Variants in FAM83B observed in about 807,000 individuals in gnomAD.
FAM83B encodes scaffolding CK1 anchoring protein B, also known as protein FAM83B.
FAM83B carries 26 observed loss-of-function variants against 38.8 expected under a neutral mutation model. The ratio of observed to expected loss-of-function variants is 0.67; its 90% CI spans 0.49 to 0.93. FAM83B has a LOEUF of 0.93. FAM83B is among the 40% of genes least tolerant of loss of function. The pLI is 0.00. For missense variants in FAM83B, 1,237 were observed against 1,197.3 expected (o/e 1.03, Z -0.49); for synonymous variants, 419 against 423.1 (o/e 0.99, Z 0.12).
At chr6:54,910,362 G>T (rs368678276) in intron 2 of FAM83B, among the ~76,000 whole-genome samples, 2 of 152,114 alleles carry the variant, frequency 1.3e-5, no homozygotes, top group Admixed American at 6.5e-5. Flanking sequence ...TCTGAAATCC[G>T]AATTCATTGT....
At chr6:54,933,993 GT>G (rs1773478299) in intron 4 of FAM83B, among the ~76,000 whole-genome samples, 2 of 152,068 alleles carry the variant, frequency 1.3e-5, no homozygotes, top group African/African-American at 4.8e-5. Flanking sequence ...AACATCACAG[GT>G]TTTTCAACCT....
intron 2 of FAM83B, among the ~76,000 whole-genome samples, chr6:54,921,038 G>A (rs560367726): frequency 6.6e-6 from 1 of 151,852 alleles, no homozygotes; most frequent in Non-Finnish European, 1.5e-5. Flanking sequence ...ATAAACATTT[G>A]TTAGAATATT....
chr6:54,919,733 A>G (rs1355196316), intron 2 of FAM83B, among the ~76,000 whole-genome samples: 1 of 152,044 alleles, frequency 6.6e-6, no homozygotes, highest in African/African-American at 2.4e-5. Flanking sequence ...TTTAATATAT[A>G]TAAATGAAAC....
chr6:54,875,769 A>G (rs75218721), intron 2 of FAM83B, among the ~76,000 whole-genome samples: 29 of 140,074 alleles, frequency 2.1e-4, no homozygotes, highest in Middle Eastern at 4.0e-3. Flanking sequence ...AGAAGGTGGG[A>G]AAGAGACAGG....
chr6:54,927,500 A>T lies in FAM83B; in HGVS notation c.610-8A>T. 1 of 1,573,634 alleles carries T rather than the reference A, an allele frequency of 6.4e-7. No individual in the cohort carries two copies. The highest frequency in any genetic ancestry group is 2.3e-5 in the East Asian group (1 of 44,114). ...TAATGTCTGCTTTTTATTTACATATAATTCTAGAATATTCGAGTGCGAACA... is the reference window on the plus strand; with the variant it reads ...TAATGTCTGCTTTTTATTTACATATTATTCTAGAATATTCGAGTGCGAACA... On this transcript the variant is annotated splice_polypyrimidine_tract_variant and splice_region_variant and intron_variant, in intron 3 of 4. Coordinates refer to ENST00000306858, the MANE Select transcript of FAM83B (RefSeq NM_001010872.3).
chr6:54,876,537 C>T (rs1037023513), intron 2 of FAM83B, among the ~76,000 whole-genome samples: 2 of 151,530 alleles, frequency 1.3e-5, no homozygotes, highest in Non-Finnish European at 2.9e-5. Flanking sequence ...GTTGGCCAGG[C>T]TGGTCTCCTG....
intron 2 of FAM83B, among the ~76,000 whole-genome samples, chr6:54,884,317 A>AG (rs1561913729): frequency 6.7e-6 from 1 of 149,182 alleles, no homozygotes; most frequent in African/African-American, 2.5e-5. Flanking sequence ...AAAAAAAAAA[A>AG]AGAGAAAAAT....
At chr6:54,939,550 A>G (rs1036424972) in intron 4 of FAM83B, among the ~76,000 whole-genome samples, 156 bp from the exon 5 acceptor site, 1 of 152,226 alleles carries the variant, frequency 6.6e-6, no homozygotes, top group Non-Finnish European at 1.5e-5. Context: ...TGAGGATGGG[A>G]AAACATGTAG....
At chr6:54,850,166 C>G (rs1561901516) in intron 1 of FAM83B, among the ~76,000 whole-genome samples, 1 of 152,124 alleles carries the variant, frequency 6.6e-6, no homozygotes, top group Non-Finnish European at 1.5e-5. Flanking sequence ...TAGTTCCTTC[C>G]TATTCTCTGA....
chr6:54,863,575 T>C (rs1581885368), intron 1 of FAM83B, among the ~76,000 whole-genome samples: 1 of 141,814 alleles, frequency 7.1e-6, no homozygotes, highest in East Asian at 1.9e-4. Context: ...CTTCATATAA[T>C]TGAAGACTAC....
chr6:54,942,238 G>C lies in FAM83B; in HGVS notation c.*231G>C, dbSNP rs1773721950. The stretch of plus-strand genomic sequence containing the variant: ...GTAAGTGGTAATGGTAAAAATAATA[G>C]ATGTATTTAAATCATTTTCTTTAGA... On this transcript the variant is annotated 3_prime_UTR_variant, in exon 5 of 5. Coordinates refer to ENST00000306858, the MANE Select transcript of FAM83B (RefSeq NM_001010872.3). Among the ~76,000 whole-genome samples, 1 of 152,152 alleles carries C rather than the reference G, an allele frequency of 6.6e-6. No homozygotes were observed. Among genetic ancestry groups the C allele is most frequent in the African/African-American group, 2.4e-5 (1 of 41,444 alleles).
chr6:54,879,718 A>C (rs923305808), intron 2 of FAM83B, among the ~76,000 whole-genome samples: 3 of 152,166 alleles, frequency 2.0e-5, no homozygotes, highest in Non-Finnish European at 4.4e-5. Flanking sequence ...GTGGGAAGTC[A>C]TGAGATGTTT....
chr6:54,859,968 T>C lies in FAM83B; in HGVS notation c.-60-10219T>C, dbSNP rs552814955. ...TAATACATATTCATTGATAAACATT[T>C]GTTAAATACAGAAAAGTGAAAAGAA... On this transcript the variant is annotated intron_variant, in intron 1 of 4. Coordinates refer to ENST00000306858, the MANE Select transcript of FAM83B (RefSeq NM_001010872.3). Among the ~76,000 whole-genome samples, 6 of 152,278 alleles carry C rather than the reference T, an allele frequency of 3.9e-5. No homozygotes were observed. In the East Asian group the frequency reaches 9.7e-4, roughly 25 times the overall value.
At chr6:54,887,993 C>T (rs1002398012) in intron 2 of FAM83B, among the ~76,000 whole-genome samples, 2 of 149,704 alleles carry the variant, frequency 1.3e-5, no homozygotes, top group Non-Finnish European at 3.0e-5. Flanking sequence ...TTACTCACCC[C>T]ATCTGTTCTT....
intron 2 of FAM83B, among the ~76,000 whole-genome samples, chr6:54,900,300 C>T (rs6930544): frequency 0.036 from 5,406 of 152,186 alleles, 306 homozygotes; most frequent in African/African-American, 0.12. Context: ...CTATCCTACC[C>T]CATGCTGGCA....
At chr6:54,925,035 T>G (rs970406390) in intron 2 of FAM83B, among the ~76,000 whole-genome samples, 4 of 152,208 alleles carry the variant, frequency 2.6e-5, no homozygotes, top group African/African-American at 9.6e-5. Context: ...GACATTGTGA[T>G]AACTCTCCCA....
intron 1 of FAM83B, among the ~76,000 whole-genome samples, chr6:54,849,405 T>C (rs1031654013): frequency 6.7e-6 from 1 of 150,234 alleles, no homozygotes; most frequent in African/African-American, 2.5e-5. Flanking sequence ...AATGGTAGGC[T>C]CCAGTGGAAA....
At chr6:54,923,841 T>C (rs947856655) in intron 2 of FAM83B, among the ~76,000 whole-genome samples, 4 of 151,806 alleles carry the variant, frequency 2.6e-5, no homozygotes, top group Admixed American at 2.0e-4. Flanking sequence ...TTTACTTTAC[T>C]TTCTGTGCTA....
intron 2 of FAM83B, among the ~76,000 whole-genome samples, chr6:54,900,112 A>G (rs1466067822): frequency 6.6e-6 from 1 of 152,210 alleles, no homozygotes; most frequent in East Asian, 1.9e-4. Flanking sequence ...TATCATGTAC[A>G]TGAAGTTTTT....
Sources: allele counts gnomAD v4.1 joint callset (sites outside exome capture counted in the v4.1 genomes callset), GRCh38; gene constraint gnomAD v4.1.1; transcripts MANE v1.5; gene names NCBI Gene and HGNC (gene_info 2026-07-23, HGNC 2026-07-21).